Variants in RIN2 observed in about 807,000 individuals in gnomAD.
RIN2 encodes Ras and Rab interactor 2.
A neutral mutation model predicts 78.0 loss-of-function variants in RIN2; 36 were observed. That is an observed-to-expected ratio of 0.46 (90% CI 0.35 to 0.61). RIN2 has a LOEUF of 0.61. RIN2 is among the 20% of genes least tolerant of loss of function. RIN2 has a pLI of 0.00. For missense variants in RIN2, 1,087 were observed against 1,159.7 expected, an observed-to-expected ratio of 0.94 and a Z score of 0.91; for synonymous variants, 466 against 466.8, an observed-to-expected ratio of 1.00 and a Z score of 0.02.
chr20:19,924,430 A>C (rs1380188925), intron 3 of RIN2, among the ~76,000 whole-genome samples: 1 of 9,660 alleles, frequency 1.0e-4, no homozygotes, highest in Non-Finnish European at 2.0e-4. Context: ...CTACTTTCAT[A>C]CCCCCACCTT....
intron 2 of RIN2, among the ~76,000 whole-genome samples, chr20:19,816,816 A>G (rs753926259): frequency 1.3e-5 from 2 of 152,248 alleles, no homozygotes; most frequent in Non-Finnish European, 2.9e-5. Context: ...GATGCATCTG[A>G]ATAACTGAAA....
intron 1 of RIN2, among the ~76,000 whole-genome samples, chr20:19,799,406 C>G (rs1342298952): frequency 6.6e-6 from 1 of 152,134 alleles, no homozygotes; most frequent in Non-Finnish European, 1.5e-5. Flanking sequence ...AGCATTGGCA[C>G]AGGGATTTAG....
At chr20:19,825,642 G>A (rs938026142) in intron 2 of RIN2, among the ~76,000 whole-genome samples, 1 of 152,206 alleles carries the variant, frequency 6.6e-6, no homozygotes, top group African/African-American at 2.4e-5. Flanking sequence ...AGGACACTCA[G>A]AATAGGACTT....
At chr20:19,970,787 T>C in intron 7 of RIN2, 51 bp from the exon 8 acceptor site, 1 of 1,374,796 alleles carries the variant, frequency 7.3e-7, no homozygotes, top group Non-Finnish European at 1.0e-6. Context: ...AAACACAAGA[T>C]AGAAAGCAGA....
At chr20:19,995,986 C>A (rs1315406051) in intron 11 of RIN2, among the ~76,000 whole-genome samples, 1 of 152,148 alleles carries the variant, frequency 6.6e-6, no homozygotes, top group Non-Finnish European at 1.5e-5. Flanking sequence ...CCTTAATACC[C>A]CAACTACTCC....
chr20:19,946,547 G>A (rs931275507), intron 4 of RIN2, among the ~76,000 whole-genome samples: 10 of 151,780 alleles, frequency 6.6e-5, no homozygotes, highest in Middle Eastern at 3.2e-3. Context: ...GCGAAACCCC[G>A]TCTCTACTAA....
intron 4 of RIN2, among the ~76,000 whole-genome samples, chr20:19,937,266 A>C (rs2040682795): frequency 6.6e-6 from 1 of 152,246 alleles, no homozygotes; most frequent in Non-Finnish European, 1.5e-5. Flanking sequence ...CAGCAGCCAA[A>C]GGGGAGAGGA....
intron 2 of RIN2, among the ~76,000 whole-genome samples, chr20:19,844,130 T>A (rs7265767): frequency 0.012 from 1,779 of 152,230 alleles, 11 homozygotes; most frequent in Non-Finnish European, 0.014. Flanking sequence ...AGAAATGATG[T>A]TGGTGGAGTG....
chr20:19,837,322 A>G (rs1478917076), intron 2 of RIN2, among the ~76,000 whole-genome samples: 1 of 152,230 alleles, frequency 6.6e-6, no homozygotes, highest in Non-Finnish European at 1.5e-5. Flanking sequence ...CTCAATACAC[A>G]TGAACTATTC....
At chr20:19,872,206 A>C (rs893679363) in intron 2 of RIN2, 1 of 152,048 alleles carries the variant, frequency 6.6e-6, no homozygotes, top group Non-Finnish European at 1.5e-5. Flanking sequence ...TTCCCCTTCC[A>C]CTATGATTGT....
chr20:19,936,893 A>T (rs778011295), intron 4 of RIN2, among the ~76,000 whole-genome samples: 7 of 152,186 alleles, frequency 4.6e-5, no homozygotes, highest in Non-Finnish European at 1.0e-4. Context: ...AAGAAAGAGG[A>T]AAAAGCAAGA....
chr20:19,999,642 A>G (rs1057439200), intron 12 of RIN2, among the ~76,000 whole-genome samples: 6 of 152,258 alleles, frequency 3.9e-5, no homozygotes, highest in Admixed American at 3.3e-4. Flanking sequence ...ATCTGGGGTC[A>G]CAAAATCTAG....
intron 2 of RIN2, among the ~76,000 whole-genome samples, chr20:19,829,070 G>T (rs980128625): frequency 1.3e-5 from 2 of 152,180 alleles, no homozygotes; most frequent in Non-Finnish European, 2.9e-5. Flanking sequence ...GAGAATAATA[G>T]CTACCTCTGG....
At chr20:19,879,014 A>AGAACATTGAG (rs1464416491) in intron 2 of RIN2, among the ~76,000 whole-genome samples, 1 of 152,228 alleles carries the variant, frequency 6.6e-6, no homozygotes, top group Non-Finnish European at 1.5e-5. Flanking sequence ...GAACATTGAG[A>AGAACATTGAG]GGAAAACCCT....
rs374238932 is a variant in RIN2, at chr20:19,959,862, T to A, written c.352-838T>A. On this transcript the variant is annotated intron_variant, in intron 5 of 12. Transcript: ENST00000255006. Reference sequence around the variant, plus strand: ...AGGTGAATGGTGCCTCCTGGAGTTGTGCAGTGCACGGCCTACACAACAGTA... The same window carrying A: ...AGGTGAATGGTGCCTCCTGGAGTTGAGCAGTGCACGGCCTACACAACAGTA... Among the ~76,000 whole-genome samples the A allele has an allele frequency of 8.1e-4, 123 of 152,284 alleles. 1 individual carries two copies. The South Asian group carries it at 0.019, about 23-fold the overall frequency.
At chr20:19,848,360 C>T (rs6081768) in intron 2 of RIN2, among the ~76,000 whole-genome samples, 94,293 of 151,384 alleles carry the variant, frequency 0.62, 31,285 homozygotes, top group East Asian at 0.78. Flanking sequence ...TGGTGAAACC[C>T]CGTCTTTACT....
intron 2 of RIN2, among the ~76,000 whole-genome samples, chr20:19,837,720 AC>A (rs2123054361): frequency 6.7e-6 from 1 of 148,330 alleles, no homozygotes; most frequent in South Asian, 2.2e-4. Context: ...AAATTTGTCA[AC>A]CTTTTTCTCC....
intron 3 of RIN2, among the ~76,000 whole-genome samples, chr20:19,892,838 G>C (rs2038540395): frequency 6.6e-6 from 1 of 152,194 alleles, no homozygotes; most frequent in South Asian, 2.1e-4. Flanking sequence ...CTGGAGGGGA[G>C]TTCGGTGCTG....
Position 20,001,170 on chromosome 20 carries a change from A to G in RIN2, c.*234A>G. 1 of 519,524 alleles carries G rather than the reference A, an allele frequency of 1.9e-6. No individual in the cohort carries two copies. The highest frequency in any genetic ancestry group is 3.4e-6 in the Non-Finnish European group (1 of 290,310). The allele number at this position is 519,524 out of a possible 1,614,324, so 32.2% of individuals were successfully genotyped here. On this transcript the variant is annotated 3_prime_UTR_variant, in exon 13 of 13. Transcript: ENST00000255006. ...AATGGAGAATTGCATCTGATGGTTC[A>G]AGTGTCCTGAGATTGTTTGCTACCT...
Sources: allele counts gnomAD v4.1 joint callset (sites outside exome capture counted in the v4.1 genomes callset), GRCh38; gene constraint gnomAD v4.1.1; transcripts MANE v1.5; gene names NCBI Gene and HGNC (gene_info 2026-07-23, HGNC 2026-07-21).